Variants in COL4A4 observed in about 807,000 individuals in gnomAD.
COL4A4 encodes collagen type IV alpha 4 chain, also known as collagen alpha-4(IV) chain.
Under a neutral mutation model 192.9 loss-of-function variants are expected in COL4A4, and 105 were observed. That is an observed-to-expected ratio of 0.54 (90% confidence interval 0.46 to 0.64). The LOEUF (loss-of-function observed/expected upper bound fraction) is 0.64. Ranked by LOEUF, COL4A4 falls within the 30% of genes least tolerant of loss-of-function variation. The pLI, the probability that COL4A4 is intolerant of heterozygous loss-of-function variation, is 0.00. For missense variants in COL4A4, 1,967 were observed against 2,169.3 expected, an observed-to-expected ratio of 0.91 and a Z score of 1.85; for synonymous variants, 762 against 769.9, an observed-to-expected ratio of 0.99 and a Z score of 0.17.
At chr2:227,099,934 C>A (rs556787533) in intron 17 of COL4A4, among the ~76,000 whole-genome samples, 2 of 152,274 alleles carry the variant, frequency 1.3e-5, no homozygotes, top group African/African-American at 4.8e-5. Context: ...AAATTTAACT[C>A]CAGTGAAATT....
intron 1 of COL4A4, among the ~76,000 whole-genome samples, chr2:227,160,705 C>T (rs1028246319): frequency 6.6e-6 from 1 of 152,188 alleles, no homozygotes; most frequent in Non-Finnish European, 1.5e-5. Flanking sequence ...TAATTGGTAA[C>T]TCTGATAATT....
Position 227,020,880 on chromosome 2 carries a change from C to CTTTTTTTTTTTTTTTT in COL4A4, c.4216+1152_4216+1167dup, listed in dbSNP as rs57119611. On this transcript the variant is annotated intron_variant, in intron 44 of 47. Transcript: ENST00000396625. ...CAAACCATTCGGAGAACACTTTTTT[C>CTTTTTTTTTTTTTTTT]TTTTTTTTTTTTTTTTGAGATGGAG... 1.9e-3 allele frequency among the ~76,000 whole-genome samples: 241 copies of CTTTTTTTTTTTTTTTT among 127,518 alleles called. 17 individuals are homozygous for CTTTTTTTTTTTTTTTT. Among genetic ancestry groups the CTTTTTTTTTTTTTTTT allele is most frequent in the African/African-American group, 2.3e-3 (72 of 31,602 alleles). The allele number at this position is 127,518 out of a possible 152,430, so 83.7% of individuals were successfully genotyped here. A position where few individuals can be genotyped will look rare whatever the true frequency, so the allele number is the denominator to read the frequency against.
In COL4A4 at chr2:227,108,858, CCCGGAGG is replaced by C. The variant is rs2061010861; in HGVS notation, c.661_667del (p.Pro221AlafsTer8). 1.9e-6 allele frequency: 3 copies of C among 1,611,506 alleles called. No homozygotes were observed. Among genetic ancestry groups the C allele is most frequent in the Non-Finnish European group, 1.7e-6 (2 of 1,178,572 alleles). On this transcript the variant is annotated frameshift_variant, in exon 11 of 48. Coordinates refer to ENST00000396625, the MANE Select transcript of COL4A4 (RefSeq NM_000092.5). LOFTEE classifies it high-confidence loss of function. ...CTTCAAACCTGGACGCCCTGGTTGG[CCCGGAGG>C]TCCCTAAATCAAGGGAGAAAAAAAC...
At chr2:227,134,882 C>G (rs961092533) in intron 4 of COL4A4, among the ~76,000 whole-genome samples, 4 of 152,188 alleles carry the variant, frequency 2.6e-5, no homozygotes, top group African/African-American at 7.2e-5. Context: ...TTGTTATACT[C>G]CCTTGAATAG....
Position 227,108,379 on chromosome 2 carries a change from A to C in COL4A4, c.735+202T>G, listed in dbSNP as rs7600536. Among the ~76,000 whole-genome samples the C allele has an allele frequency of 9.4e-4, 143 of 152,220 alleles. 1 individual carries two copies. The highest frequency in any genetic ancestry group is 3.2e-3 in the African/African-American group (135 of 41,556). ...AATGTGTTGCACAAATTAACCCGAA[A>C]GTAGTGTTAAATTGTGTCAGATCTT... On this transcript the variant is annotated intron_variant, in intron 12 of 47. Coordinates refer to ENST00000396625, the MANE Select transcript of COL4A4 (RefSeq NM_000092.5).
chr2:227,041,844 GAAAGAGAAAGAAAGAAAGAAAGAA>G (rs1971268730), intron 37 of COL4A4, among the ~76,000 whole-genome samples: 2 of 73,698 alleles, frequency 2.7e-5, no homozygotes, highest in Non-Finnish European at 4.9e-5. Context: ...AAGAAAGAAA[GAAAGAGAAAGAAAGAAAGAAAGAA>G]AGAAAGAAAG....
At chr2:227,087,928 G>T (rs572700060) in intron 22 of COL4A4, among the ~76,000 whole-genome samples, 1 of 152,184 alleles carries the variant, frequency 6.6e-6, no homozygotes, top group African/African-American at 2.4e-5. Context: ...AATCGATGGT[G>T]ATGGCGTTTA....
intron 19 of COL4A4, among the ~76,000 whole-genome samples, chr2:227,097,941 G>A (rs2060293938): frequency 1.3e-5 from 2 of 152,114 alleles, no homozygotes; most frequent in Admixed American, 1.3e-4. Context: ...CAGTTCTCCT[G>A]GGTTCACAGA....
In COL4A4 at chr2:227,052,297, G is replaced by A. The variant is rs934567119; in HGVS notation, c.2968+8C>T. On this transcript the variant is annotated splice_region_variant and intron_variant, in intron 32 of 47. Coordinates refer to ENST00000396625, the MANE Select transcript of COL4A4 (RefSeq NM_000092.5). The stretch of plus-strand genomic sequence containing the variant: ...ATTTGATATGGTTAAAAACTCTTAA[G>A]TGTTTACCTCTTTCTCCTGGGAATC... The A allele has an allele frequency of 1.3e-6, 2 of 1,500,418 alleles. No homozygotes were observed. The highest frequency in any genetic ancestry group is 2.8e-5 in the African/African-American group (2 of 72,580). 92.9% of individuals were successfully genotyped at this position (1,500,418 alleles called of 1,614,324 possible).
chr2:227,090,731 A>G (rs6722704), intron 20 of COL4A4, among the ~76,000 whole-genome samples: 78,843 of 151,460 alleles, frequency 0.52, 20,595 homozygotes, highest in South Asian at 0.63. Context: ...CAGCCTGGGC[A>G]ACAGAATGAG....
intron 20 of COL4A4, among the ~76,000 whole-genome samples, chr2:227,092,163 C>T (rs1235037931): frequency 2.0e-5 from 3 of 152,060 alleles, no homozygotes; most frequent in Non-Finnish European, 4.4e-5. Context: ...GTAGCCAACA[C>T]TGGAAGCTAG....
intron 12 of COL4A4, among the ~76,000 whole-genome samples, chr2:227,104,787 T>C (rs528226505): frequency 6.6e-6 from 1 of 150,634 alleles, no homozygotes; most frequent in Admixed American, 6.6e-5. Context: ...ATTACAGGCA[T>C]GCGCCACCAT....
chr2:227,150,980 A>T (rs1486974929), intron 1 of COL4A4, among the ~76,000 whole-genome samples: 1 of 151,922 alleles, frequency 6.6e-6, no homozygotes, highest in Non-Finnish European at 1.5e-5. Context: ...CTGGAGTATT[A>T]TAAATGATGA....
chr2:227,082,019 A>T, intron 23 of COL4A4, 96 bp downstream of exon 23: 1 of 1,057,438 alleles, frequency 9.5e-7, no homozygotes, highest in Non-Finnish European at 1.5e-6. Flanking sequence ...TAAATTGTAT[A>T]GAATTGATCT....
intron 22 of COL4A4, among the ~76,000 whole-genome samples, chr2:227,083,065 C>A (rs2059407288): frequency 6.6e-6 from 1 of 152,038 alleles, no homozygotes; most frequent in South Asian, 2.1e-4. Context: ...CCCGTCCCTA[C>A]TAAAAATACA....
chr2:227,135,942 C>A (rs1291562481), intron 4 of COL4A4, among the ~76,000 whole-genome samples: 1 of 152,150 alleles, frequency 6.6e-6, no homozygotes, highest in African/African-American at 2.4e-5. Flanking sequence ...CCATGCCTGG[C>A]CCCTGAATTT....
chr2:227,067,639 G>A (rs2058431532), intron 25 of COL4A4, among the ~76,000 whole-genome samples: 1 of 152,050 alleles, frequency 6.6e-6, no homozygotes, highest in South Asian at 2.1e-4. Flanking sequence ...ACGAAATGAA[G>A]GCAGAGATAA....
chr2:227,125,681 C>A (rs1468484478), intron 4 of COL4A4, among the ~76,000 whole-genome samples: 2 of 152,194 alleles, frequency 1.3e-5, no homozygotes, highest in Non-Finnish European at 2.9e-5. Flanking sequence ...AGCATTTGCG[C>A]AGGCTGTCCT....
intron 26 of COL4A4, among the ~76,000 whole-genome samples, chr2:227,062,212 G>A (rs537475845): frequency 5.5e-5 from 8 of 144,310 alleles, no homozygotes; most frequent in East Asian, 2.0e-4. Context: ...ACTCCAGCCC[G>A]GGAGACAAAG....
Sources: gnomAD v4.1 joint callset for allele counts (sites outside exome capture counted in the v4.1 genomes callset) on GRCh38, gnomAD v4.1.1 for gene constraint, MANE v1.5 for transcripts, NCBI Gene and HGNC (gene_info 2026-07-23, HGNC 2026-07-21) for gene names.